The following MBD5 variants were observed in gnomAD, a reference collection of about 807,000 sequenced individuals.
MBD5 encodes the protein methyl-CpG binding domain protein 5.
A neutral mutation model predicts 117.3 loss-of-function variants in MBD5; 13 were observed. That is an observed-to-expected ratio of 0.11 (90% CI 0.07 to 0.18). The LOEUF is 0.18. MBD5 is among the 10% of genes least tolerant of loss of function. The probability of loss-of-function intolerance (pLI) is 1.00; values close to 1 mark genes in which losing one functional copy is unlikely to be tolerated. For synonymous variants in MBD5, 727 were observed against 766.4 expected (o/e 0.95, Z 0.85); for missense variants, 1,879 against 2,093.8 (o/e 0.90, Z 2.00).
chr2:148,226,387 T>A (rs1051193431), intron 2 of MBD5, among the ~76,000 whole-genome samples: 5 of 152,174 alleles, frequency 3.3e-5, no homozygotes, highest in African/African-American at 9.7e-5. Flanking sequence ...CTTGTGATAG[T>A]TTGCTGAGAA....
At chr2:148,451,608 A>G (rs972340450) in intron 4 of MBD5, among the ~76,000 whole-genome samples, 12 of 152,196 alleles carry the variant, frequency 7.9e-5, no homozygotes, top group African/African-American at 2.9e-4. Context: ...TATCCAATAA[A>G]ATGATAATTA....
chr2:148,274,851 T>C (rs1372121593), intron 3 of MBD5, among the ~76,000 whole-genome samples: 2 of 152,066 alleles, frequency 1.3e-5, no homozygotes, highest in Admixed American at 6.6e-5. Context: ...GCCTCTCAAG[T>C]AGCTGGGATT....
intron 4 of MBD5, among the ~76,000 whole-genome samples, chr2:148,456,985 G>A (rs1022427316): frequency 6.6e-6 from 1 of 152,112 alleles, no homozygotes; most frequent in Non-Finnish European, 1.5e-5. Context: ...AGACTTTTAG[G>A]AATGTAGTTA....
intron 1 of MBD5, among the ~76,000 whole-genome samples, chr2:148,134,035 A>C (rs1470417323): frequency 6.6e-6 from 1 of 152,192 alleles, no homozygotes; most frequent in African/African-American, 2.4e-5. Flanking sequence ...TGTGAATTTC[A>C]TAGACATTCC....
chr2:148,229,810 A>G (rs1018331248), intron 2 of MBD5, among the ~76,000 whole-genome samples: 2 of 152,174 alleles, frequency 1.3e-5, no homozygotes, highest in Admixed American at 6.5e-5. Context: ...TATCTGGATT[A>G]CCAGGCATTG....
At chr2:148,232,674 T>C (rs927034095) in intron 2 of MBD5, among the ~76,000 whole-genome samples, 2 of 150,512 alleles carry the variant, frequency 1.3e-5, no homozygotes, top group African/African-American at 4.9e-5. Context: ...GGTAGAGACA[T>C]AGTCTCACTA....
At chr2:148,175,058 T>C (rs1292003866) in intron 1 of MBD5, among the ~76,000 whole-genome samples, 1 of 152,132 alleles carries the variant, frequency 6.6e-6, no homozygotes, top group Non-Finnish European at 1.5e-5. Flanking sequence ...AGATGATGAA[T>C]GGATAAAAAG....
At chr2:148,500,186 G>A (rs985246464) in intron 11 of MBD5, among the ~76,000 whole-genome samples, 7 of 151,914 alleles carry the variant, frequency 4.6e-5, no homozygotes, top group Admixed American at 4.6e-4. Flanking sequence ...ATATAAATTT[G>A]GGCAAGTTGT....
chr2:148,402,397 A>G (rs1704949786), intron 4 of MBD5, among the ~76,000 whole-genome samples: 1 of 152,166 alleles, frequency 6.6e-6, no homozygotes, highest in South Asian at 2.1e-4. Flanking sequence ...ATAATTGACA[A>G]TAAAACAGCA....
At chr2:148,344,245 T>C (rs1703027013) in intron 4 of MBD5, among the ~76,000 whole-genome samples, 1 of 152,192 alleles carries the variant, frequency 6.6e-6, no homozygotes, top group East Asian at 1.9e-4. Context: ...AGTTGGGTAA[T>C]GTAATGCTTT....
chr2:148,352,735 A>G (rs1352944406), intron 4 of MBD5, among the ~76,000 whole-genome samples: 1 of 152,104 alleles, frequency 6.6e-6, no homozygotes, highest in Non-Finnish European at 1.5e-5. Context: ...AGTGCAGGCT[A>G]AGTATACCTC....
chr2:148,079,857 AAACAACAACAACAACAAC>A (rs201427792), intron 1 of MBD5, among the ~76,000 whole-genome samples: 556 of 123,580 alleles, frequency 4.5e-3, no homozygotes, highest in East Asian at 0.011. Flanking sequence ...ACTCTGTCTA[AAACAACAACAACAACAAC>A]AACAACAACA....
At chr2:148,083,582 C>T (rs1695702591) in intron 1 of MBD5, among the ~76,000 whole-genome samples, 1 of 152,016 alleles carries the variant, frequency 6.6e-6, no homozygotes, top group Admixed American at 6.6e-5. Flanking sequence ...TCCTATATTA[C>T]ACCCTGTCCT....
chr2:148,236,542 T>C (rs969565690), intron 3 of MBD5, among the ~76,000 whole-genome samples: 1 of 152,180 alleles, frequency 6.6e-6, no homozygotes, highest in Non-Finnish European at 1.5e-5. Flanking sequence ...GAGTATTTTT[T>C]TTCTGGGCAG....
intron 1 of MBD5, among the ~76,000 whole-genome samples, chr2:148,151,862 A>G (rs1179084763): frequency 1.3e-5 from 2 of 151,836 alleles, no homozygotes; most frequent in Non-Finnish European, 2.9e-5. Flanking sequence ...CTAGCGGTCT[A>G]TCAATTTTGT....
rs540011786 is a variant in MBD5, at chr2:148,133,640, G to A, written c.-924-45060G>A. Among the ~76,000 whole-genome samples the A allele has an allele frequency of 2.0e-4, 31 of 152,172 alleles. No individual in the cohort carries two copies. In the East Asian group the frequency reaches 3.5e-3, roughly 17 times the overall value. Reference sequence around the variant, plus strand: ...GGATTTCAAGACCAGCCTGACCAACGTGGTGAAACCCCGTCTCTACTAAAT... The same window carrying A: ...GGATTTCAAGACCAGCCTGACCAACATGGTGAAACCCCGTCTCTACTAAAT... On this transcript the variant is annotated intron_variant, in intron 1 of 13. Transcript: ENST00000642680.
At chr2:148,075,068 G>A (rs930127272) in intron 1 of MBD5, among the ~76,000 whole-genome samples, 1 of 152,108 alleles carries the variant, frequency 6.6e-6, no homozygotes, top group African/African-American at 2.4e-5. Flanking sequence ...AGCAGTAATA[G>A]AGATGCAGTA....
chr2:148,094,193 G>T (rs576947180), intron 1 of MBD5, among the ~76,000 whole-genome samples: 1 of 152,124 alleles, frequency 6.6e-6, no homozygotes, highest in East Asian at 1.9e-4. Context: ...TGTATGTTGA[G>T]ACCTTGTTTT....
At chr2:148,023,593 T>C (rs181725230) in intron 1 of MBD5, among the ~76,000 whole-genome samples, 6 of 152,328 alleles carry the variant, frequency 3.9e-5, no homozygotes, top group African/African-American at 1.4e-4. Flanking sequence ...GTAAGGTTTC[T>C]TGTTCTCACC....
Sources: allele counts gnomAD v4.1 joint callset (sites outside exome capture counted in the v4.1 genomes callset), GRCh38; gene constraint gnomAD v4.1.1; transcripts MANE v1.5; gene names NCBI Gene and HGNC (gene_info 2026-07-23, HGNC 2026-07-21).